Variants in TET3 observed in about 807,000 individuals in gnomAD.
TET3 encodes the protein tet methylcytosine dioxygenase 3.
TET3 carries 19 observed loss-of-function variants against 141.4 expected under a neutral mutation model. The ratio of observed to expected loss-of-function variants is 0.13; its 90% CI spans 0.09 to 0.20. The LOEUF is 0.20. Among genes scored for constraint, TET3 ranks in the 10% least tolerant of loss-of-function variants. The pLI is 1.00. For synonymous variants in TET3, 1,043 were observed against 980.9 expected, an observed-to-expected ratio of 1.06 and a Z score of -1.18; for missense variants, 1,874 against 2,356.9, an observed-to-expected ratio of 0.80 and a Z score of 4.24.
intron 7 of TET3, among the ~76,000 whole-genome samples, chr2:74,089,568 A>C (rs770295398): frequency 8.5e-5 from 13 of 152,182 alleles, no homozygotes; most frequent in Admixed American, 3.3e-4. Flanking sequence ...GGAGCTGGTT[A>C]AGATATTAAG....
chr2:74,094,062 C>A (rs1002089603), intron 10 of TET3, among the ~76,000 whole-genome samples: 1 of 152,144 alleles, frequency 6.6e-6, no homozygotes, highest in African/African-American at 2.4e-5. Flanking sequence ...CTGCATGCTG[C>A]GGGATGAAAC....
intron 4 of TET3, among the ~76,000 whole-genome samples, chr2:74,057,786 GAGA>G (rs1688294421): frequency 6.6e-6 from 1 of 152,170 alleles, no homozygotes; most frequent in Non-Finnish European, 1.5e-5. Flanking sequence ...CTTCTCCTGT[GAGA>G]AGATTGATTA....
intron 4 of TET3, among the ~76,000 whole-genome samples, chr2:74,060,109 T>C (rs1021636301): frequency 6.6e-6 from 1 of 152,214 alleles, no homozygotes; most frequent in African/African-American, 2.4e-5. Context: ...AAGTGGTTGT[T>C]ACAGTTTAAG....
chr2:74,101,901 G>A lies in TET3; in HGVS notation c.5113G>A (p.Gly1705Arg), dbSNP rs1691240633. The A allele has an allele frequency of 6.2e-7, 1 of 1,613,200 alleles. No homozygotes were observed. The highest frequency in any genetic ancestry group is 8.5e-7 in the Non-Finnish European group (1 of 1,179,792). The change falls in exon 12 of 12, where the codon GGG becomes AGG. Residue 1705 changes from glycine to arginine, a missense_variant. Physicochemically the swap from Gly to Arg is moderately radical, Grantham distance 125. Coordinates refer to ENST00000409262, the MANE Select transcript of TET3 (RefSeq NM_001287491.2). This position sits in a 1 kb window ranked among gnomAD's most constrained non-coding sequence, Gnocchi z 8.5. Reference sequence around the variant, plus strand: ...CAAGAACCTCAACCAGCCCAACCACGGGCTGGCCCTCTGGGAAGCCAAGAT... The same window carrying A: ...CAAGAACCTCAACCAGCCCAACCACAGGCTGGCCCTCTGGGAAGCCAAGAT... ...QHKNLNQPNH[G>R]LALWEAKMKQ... is the part of the protein sequence containing the mutation.
At chr2:73,989,573 AAAAGAAG>A (rs951144974) in intron 2 of TET3, among the ~76,000 whole-genome samples, 1 of 152,122 alleles carries the variant, frequency 6.6e-6, no homozygotes, top group African/African-American at 2.4e-5. Context: ...AATCCCTCAG[AAAAGAAG>A]TTCAGCATTT....
intron 5 of TET3, among the ~76,000 whole-genome samples, chr2:74,077,501 TA>T (rs1173973329): frequency 1.3e-5 from 2 of 152,244 alleles, no homozygotes; most frequent in East Asian, 1.9e-4. Context: ...GTCTGATAGT[TA>T]ATCTGAATAC....
intron 6 of TET3, among the ~76,000 whole-genome samples, chr2:74,085,493 G>C (rs1690074989): frequency 6.6e-6 from 1 of 152,222 alleles, no homozygotes; most frequent in Non-Finnish European, 1.5e-5. Flanking sequence ...ACCCACTCTG[G>C]GGGGTATCCT....
chr2:74,112,861 C>G (rs192488060), downstream of TET3, among the ~76,000 whole-genome samples: 895 of 151,466 alleles, frequency 5.9e-3, 13 homozygotes, highest in African/African-American at 0.021. Flanking sequence ...ATTAGCTGGG[C>G]AAGGTGGTGC....
chr2:74,077,123 A>C (rs1418867370), intron 5 of TET3, among the ~76,000 whole-genome samples: 3 of 152,254 alleles, frequency 2.0e-5, no homozygotes, highest in African/African-American at 4.8e-5. Flanking sequence ...GGAACAAAGA[A>C]CCAACACTGC....
Position 74,105,129 on chromosome 2 carries a change from G to T in TET3, c.*2953G>T. 2 of 398,500 alleles carry T rather than the reference G, an allele frequency of 5.0e-6. No homozygotes were observed. The highest frequency in any genetic ancestry group is 1.3e-4 in the South Asian group (1 of 7,796). 24.7% of individuals were successfully genotyped at this position (398,500 alleles called of 1,614,324 possible). On this transcript the variant is annotated 3_prime_UTR_variant, in exon 12 of 12. Coordinates refer to ENST00000409262, the MANE Select transcript of TET3 (RefSeq NM_001287491.2). ...CTATCATTTTTTAAGTCCTAAAGAT[G>T]ATTAACAGACATTTTTATCATGAGA... is the stretch of plus-strand genomic sequence containing the variant.
At chr2:73,988,147 G>C (rs1684139340) in intron 2 of TET3, among the ~76,000 whole-genome samples, 1 of 152,140 alleles carries the variant, frequency 6.6e-6, no homozygotes, top group Non-Finnish European at 1.5e-5. Flanking sequence ...GCTGGTGTTG[G>C]GGGTAGTTAT....
chr2:74,134,726 A>G, the TET3 span: 9 of 456,626 alleles, frequency 2.0e-5, no homozygotes, highest in African/African-American at 1.2e-4. Context: ...AAACAGGGAC[A>G]AGGAAGCCTC....
chr2:74,075,262 G>T (rs553659071), intron 5 of TET3, among the ~76,000 whole-genome samples: 1 of 151,784 alleles, frequency 6.6e-6, no homozygotes, highest in Admixed American at 6.6e-5. Flanking sequence ...AAAGTTGTGT[G>T]GCTTAGAGTT....
At chr2:73,987,621 CAGT>C (rs1375064999) in intron 2 of TET3, among the ~76,000 whole-genome samples, 1 of 152,218 alleles carries the variant, frequency 6.6e-6, no homozygotes, top group Non-Finnish European at 1.5e-5. Flanking sequence ...TCGCTCCAGG[CAGT>C]AGAACTGGCG....
intron 2 of TET3, 159 bp from the exon 3 acceptor site, chr2:74,002,951 G>T: frequency 1.4e-6 from 1 of 697,874 alleles, no homozygotes; most frequent in Non-Finnish European, 2.5e-6. Flanking sequence ...GGCGGCAGCT[G>T]GAGGCAGGAA....
At chr2:74,027,495 A>T (rs1228750763) in intron 3 of TET3, among the ~76,000 whole-genome samples, 9 of 151,656 alleles carry the variant, frequency 5.9e-5, no homozygotes, top group Non-Finnish European at 1.0e-4. Flanking sequence ...CCTAAAAGAA[A>T]CCCTGTGGCA....
chr2:74,075,217 T>C (rs1040740427), intron 5 of TET3, among the ~76,000 whole-genome samples: 2 of 151,950 alleles, frequency 1.3e-5, no homozygotes, highest in African/African-American at 4.8e-5. Context: ...GACATAAGCA[T>C]ATGCTTGCCC....
intron 3 of TET3, among the ~76,000 whole-genome samples, chr2:74,032,767 A>T (rs4416242): frequency 0.4 from 60,478 of 151,986 alleles, 15,187 homozygotes; most frequent in African/African-American, 0.71. Flanking sequence ...CAGAGCAGCC[A>T]GCAGCTGTGC....
At chr2:74,085,380 C>G (rs1444056766) in intron 6 of TET3, among the ~76,000 whole-genome samples, 2 of 152,204 alleles carry the variant, frequency 1.3e-5, no homozygotes, top group Non-Finnish European at 2.9e-5. Flanking sequence ...TCCGGCCCAC[C>G]TTCCTCATTT....
Sources: gnomAD v4.1 joint callset for allele counts (sites outside exome capture counted in the v4.1 genomes callset) on GRCh38, gnomAD v4.1.1 for gene constraint, Gnocchi (gnomAD v3.1) non-coding constraint, MANE v1.5 for transcripts, NCBI Gene and HGNC (gene_info 2026-07-23, HGNC 2026-07-21) for gene names.